SLC26A5: variants seen among roughly 807,000 people sequenced by gnomAD.
SLC26A5 encodes the protein prestin.
In SLC26A5, 51 loss-of-function variants were observed where a neutral mutation model predicts 81.0. That is an observed-to-expected ratio of 0.63 (90% confidence interval 0.50 to 0.80). The LOEUF is 0.80. SLC26A5 is among the 30% of genes least tolerant of loss of function. The pLI, the probability that SLC26A5 is intolerant of heterozygous loss-of-function variation, is 0.00. For missense variants in SLC26A5, 771 were observed against 905.8 expected, an observed-to-expected ratio of 0.85 and a Z score of 1.91; for synonymous variants, 325 against 332.8, an observed-to-expected ratio of 0.98 and a Z score of 0.25.
At chr7:103,374,923 G>A (rs1821244797) in intron 19 of SLC26A5, among the ~76,000 whole-genome samples, 1 of 149,468 alleles carries the variant, frequency 6.7e-6, no homozygotes. Flanking sequence ...ATTTCTCTAT[G>A]TAAATATAAA....
At chr7:103,377,016 A>C (rs1434941971) in intron 18 of SLC26A5, among the ~76,000 whole-genome samples, 154 bp from the exon 19 acceptor site, 1 of 152,256 alleles carries the variant, frequency 6.6e-6, no homozygotes, top group Non-Finnish European at 1.5e-5. Flanking sequence ...TAATCAGTTA[A>C]AAATAATTTT....
At chr7:103,408,411 G>C (rs1402577418) in intron 7 of SLC26A5, among the ~76,000 whole-genome samples, 1 of 152,008 alleles carries the variant, frequency 6.6e-6, no homozygotes, top group Non-Finnish European at 1.5e-5. Context: ...ATTTTTAGTA[G>C]ACACGGAGTT....
intron 2 of SLC26A5, among the ~76,000 whole-genome samples, chr7:103,427,302 C>G (rs899693340): frequency 6.6e-6 from 1 of 152,014 alleles, no homozygotes; most frequent in East Asian, 1.9e-4. Context: ...TTCTCAAACT[C>G]TTGACCCTCA....
At chr7:103,371,509 C>T (rs558399196), downstream of SLC26A5, among the ~76,000 whole-genome samples, 307 of 149,934 alleles carry the variant, frequency 2.0e-3, 3 homozygotes, top group Admixed American at 0.017. Flanking sequence ...GTATTTTTAG[C>T]AGAGACGGGG....
At chr7:103,356,323 G>A (rs755918000) in intron 19 of SLC26A5, among the ~76,000 whole-genome samples, 5 of 152,194 alleles carry the variant, frequency 3.3e-5, no homozygotes, top group East Asian at 3.9e-4. Flanking sequence ...GTGAATATTC[G>A]TGTTAAATGT....
At chr7:103,413,140 G>A (rs748269989) in intron 4 of SLC26A5, 28 bp from the exon 5 acceptor site, 5 of 1,419,186 alleles carry the variant, frequency 3.5e-6, no homozygotes, top group Non-Finnish European at 5.0e-6. Flanking sequence ...AAACAGAAAT[G>A]GGGGATCATT....
At chr7:103,437,757 G>A (rs1261077644) in intron 2 of SLC26A5, among the ~76,000 whole-genome samples, 1 of 152,156 alleles carries the variant, frequency 6.6e-6, no homozygotes, top group Non-Finnish European at 1.5e-5. Context: ...GTAGAATGGT[G>A]TTGACCAGAG....
intron 19 of SLC26A5, chr7:103,364,214 C>G (rs1820569533): frequency 1.2e-6 from 2 of 1,614,178 alleles, no homozygotes; most frequent in East Asian, 2.2e-5. Context: ...CCGGTACAGG[C>G]AAGACACTCT....
downstream of SLC26A5, among the ~76,000 whole-genome samples, chr7:103,371,150 T>G (rs1314648359): frequency 6.6e-6 from 1 of 152,246 alleles, no homozygotes; most frequent in Non-Finnish European, 1.5e-5. Flanking sequence ...GGATGAAATG[T>G]ATTTTGAAAT....
Position 103,443,208 on chromosome 7 carries a change from G to A in SLC26A5, c.-179C>T, listed in dbSNP as rs1827007930. ...CAGGAGAAGGGAGAGCTCGCTCCTT[G>A]GCCCTATGTATAGAAGAAGAAAAGG... is the stretch of plus-strand genomic sequence containing the variant. On this transcript the variant is annotated 5_prime_UTR_variant, in exon 2 of 20. Coordinates refer to ENST00000306312, the MANE Select transcript of SLC26A5 (RefSeq NM_198999.3). 1.3e-5 allele frequency: 2 copies of A among 152,008 alleles called. No individual in the cohort carries two copies. The allele number at this position is 152,008 out of a possible 1,614,324, so 9.4% of individuals were successfully genotyped here. A position where few individuals can be genotyped will look rare whatever the true frequency, so the allele number is the denominator to read the frequency against.
At chr7:103,404,028 CA>C (rs1445946591) in intron 8 of SLC26A5, among the ~76,000 whole-genome samples, 1 of 152,072 alleles carries the variant, frequency 6.6e-6, no homozygotes, top group South Asian at 2.1e-4. Context: ...GCTAAAAATA[CA>C]AAAACTAGCT....
At chr7:103,378,631 TC>T in intron 16 of SLC26A5, 78 bp from the exon 17 acceptor site, 2 of 1,268,552 alleles carry the variant, frequency 1.6e-6, no homozygotes, top group Non-Finnish European at 1.2e-6. Flanking sequence ...CCTTCAAATC[TC>T]CCCATTTAAC....
At chr7:103,379,018 T>C (rs1475475637) in intron 16 of SLC26A5, among the ~76,000 whole-genome samples, 1 of 152,208 alleles carries the variant, frequency 6.6e-6, no homozygotes, top group Non-Finnish European at 1.5e-5. Flanking sequence ...GAATGAACAA[T>C]GGTGATGGCT....
intron 7 of SLC26A5, among the ~76,000 whole-genome samples, chr7:103,409,620 G>C (rs1824316926): frequency 6.6e-6 from 1 of 151,990 alleles, no homozygotes. Context: ...TATTTTCTCT[G>C]TGTTTGGTAA....
intron 8 of SLC26A5, among the ~76,000 whole-genome samples, chr7:103,403,380 T>C (rs926787880): frequency 1.3e-5 from 2 of 152,190 alleles, no homozygotes; most frequent in African/African-American, 4.8e-5. Context: ...TAGATGTCTA[T>C]TAGGTTTGCT....
At chr7:103,388,916 C>T in intron 14 of SLC26A5, 92 bp downstream of exon 14, 2 of 878,906 alleles carry the variant, frequency 2.3e-6, no homozygotes, top group African/African-American at 1.6e-5. Context: ...CAAAGGGCTC[C>T]ACTTCTACCA....
chr7:103,385,753 C>T (rs1386413298), intron 14 of SLC26A5, among the ~76,000 whole-genome samples: 1 of 137,838 alleles, frequency 7.3e-6, no homozygotes, highest in East Asian at 2.1e-4. Flanking sequence ...CAGGCTGGAG[C>T]GCAGGAGTGC....
At chr7:103,362,931 T>A (rs1053248509) in intron 19 of SLC26A5, among the ~76,000 whole-genome samples, 61 of 151,924 alleles carry the variant, frequency 4.0e-4, no homozygotes, top group African/African-American at 1.4e-3. Context: ...GTAGCTGGGA[T>A]TACAGGCACC....
intron 15 of SLC26A5, among the ~76,000 whole-genome samples, chr7:103,379,874 T>A (rs1046594774): frequency 7.9e-5 from 12 of 152,188 alleles, no homozygotes; most frequent in African/African-American, 2.7e-4. Context: ...TATACTTCTT[T>A]GGATCGAGGA....
Sources: allele counts gnomAD v4.1 joint callset (sites outside exome capture counted in the v4.1 genomes callset), GRCh38; gene constraint gnomAD v4.1.1; transcripts MANE v1.5; gene names NCBI Gene and HGNC (gene_info 2026-07-23, HGNC 2026-07-21).